The following NXPE2 variants were observed in gnomAD, a reference collection of about 807,000 sequenced individuals.
NXPE2 encodes neurexophilin and PC-esterase domain family member 2, also known as NXPE family member 2.
NXPE2 carries 34 observed loss-of-function variants against 34.4 expected under a neutral mutation model. That is an observed-to-expected ratio of 0.99 (90% CI 0.75 to 1.31). The LOEUF is 1.31. NXPE2 is among the 40% of genes most tolerant of loss of function. NXPE2 has a pLI of 0.00. For synonymous variants in NXPE2, 235 were observed against 231.3 expected, an observed-to-expected ratio of 1.02 and a Z score of -0.15; for missense variants, 649 against 672.5, an observed-to-expected ratio of 0.97 and a Z score of 0.39.
chr11:114,540,837 CT>C, the NXPE2 span, among the ~76,000 whole-genome samples: 2 of 47,472 alleles, frequency 4.2e-5, no homozygotes, highest in Non-Finnish European at 9.3e-5. Context: ...AGAAAGCCAT[CT>C]TTTTTTTTTT....
In NXPE2 at chr11:114,698,829, ACT is replaced by A. The variant is rs1951313439; in HGVS notation, c.866+54_866+55del. 7.7e-6 allele frequency: 11 copies of A among 1,435,432 alleles called. No homozygotes were observed. The East Asian group carries it at 2.7e-4, about 36-fold the overall frequency. The allele number at this position is 1,435,432 out of a possible 1,614,324, so 88.9% of individuals were successfully genotyped here. A position where few individuals can be genotyped will look rare whatever the true frequency, so the allele number is the denominator to read the frequency against. ...CAGATAAAAAGAGGTATCCGACCAA[ACT>A]CTGCCTAGTAGTTTTGCCTAATCAA... On this transcript the variant is annotated intron_variant, in intron 3 of 5. Transcript: ENST00000389586.
At chr11:114,560,397 G>A in the NXPE2 span, among the ~76,000 whole-genome samples, 1 of 151,452 alleles carries the variant, frequency 6.6e-6, no homozygotes, top group Non-Finnish European at 1.5e-5. Context: ...TGGGCCTAGG[G>A]GCTACAGGTG....
the NXPE2 span, among the ~76,000 whole-genome samples, chr11:114,715,169 T>C: frequency 5.9e-5 from 9 of 152,204 alleles, no homozygotes; most frequent in African/African-American, 2.2e-4. Flanking sequence ...ATTTTATTGC[T>C]AGAAGTGAAG....
the NXPE2 span, among the ~76,000 whole-genome samples, chr11:114,516,692 G>A: frequency 6.6e-6 from 1 of 152,060 alleles, no homozygotes; most frequent in Admixed American, 6.5e-5. Flanking sequence ...CTGAAAATAA[G>A]AGCACACGCA....
At chr11:114,642,649 T>C in the NXPE2 span, among the ~76,000 whole-genome samples, 4 of 152,244 alleles carry the variant, frequency 2.6e-5, no homozygotes, top group African/African-American at 9.6e-5. Context: ...ACATCTTCTT[T>C]ATCCAGTCTA....
At chr11:114,669,108 C>A in the NXPE2 span, among the ~76,000 whole-genome samples, 1 of 152,004 alleles carries the variant, frequency 6.6e-6, no homozygotes, top group Non-Finnish European at 1.5e-5. Flanking sequence ...CAATAGAAAT[C>A]AAGAGATGAC....
the NXPE2 span, among the ~76,000 whole-genome samples, chr11:114,752,087 G>A: frequency 6.6e-6 from 1 of 152,198 alleles, no homozygotes; most frequent in African/African-American, 2.4e-5. Context: ...CTACGTTTGT[G>A]TTAATTTGTT....
At chr11:114,473,247 A>AT in the NXPE2 span, among the ~76,000 whole-genome samples, 1 of 152,082 alleles carries the variant, frequency 6.6e-6, no homozygotes, top group Admixed American at 6.6e-5. Context: ...ATTGCTTTTG[A>AT]TTTTCTCAAC....
chr11:114,557,818 C>T, the NXPE2 span, among the ~76,000 whole-genome samples: 6 of 151,644 alleles, frequency 4.0e-5, no homozygotes, highest in Non-Finnish European at 8.8e-5. Flanking sequence ...GTGACAAATT[C>T]TCAAGGTTAC....
intron 3 of NXPE2, among the ~76,000 whole-genome samples, chr11:114,701,676 C>T (rs139700402): frequency 1.5e-4 from 23 of 152,256 alleles, no homozygotes; most frequent in African/African-American, 5.5e-4. Flanking sequence ...TTCCTAGACC[C>T]AAGCCCAATT....
chr11:114,548,626 C>T, the NXPE2 span, among the ~76,000 whole-genome samples: 1 of 151,748 alleles, frequency 6.6e-6, no homozygotes. Context: ...ATAATTAATG[C>T]ATATTATGTT....
chr11:114,530,079 C>A, the NXPE2 span: 9 of 1,270,888 alleles, frequency 7.1e-6, no homozygotes, highest in Non-Finnish European at 9.8e-6. Flanking sequence ...GTACAGGAGG[C>A]CTCTGAGTCA....
the NXPE2 span, among the ~76,000 whole-genome samples, chr11:114,793,156 G>A: frequency 6.6e-6 from 1 of 152,164 alleles, no homozygotes. Context: ...CATCATGCAT[G>A]TTTCTCTTGA....
chr11:114,651,755 TAC>T, the NXPE2 span, among the ~76,000 whole-genome samples: 4 of 152,176 alleles, frequency 2.6e-5, no homozygotes, highest in Admixed American at 1.3e-4. Flanking sequence ...GGTGTGTTTT[TAC>T]AGAGTGCTGA....
At chr11:114,540,837 C>CTTTTTTTTTTTTTTT in the NXPE2 span, among the ~76,000 whole-genome samples, 4 of 47,472 alleles carry the variant, frequency 8.4e-5, 2 homozygotes. Context: ...AGAAAGCCAT[C>CTTTTTTTTTTTTTTT]TTTTTTTTTT....
At chr11:114,787,024 G>A in the NXPE2 span, among the ~76,000 whole-genome samples, 4 of 152,106 alleles carry the variant, frequency 2.6e-5, no homozygotes, top group African/African-American at 9.7e-5. Context: ...ACATCTGCCT[G>A]TCCCCAGGCT....
At chr11:114,657,255 G>A in the NXPE2 span, among the ~76,000 whole-genome samples, 2 of 152,094 alleles carry the variant, frequency 1.3e-5, no homozygotes, top group African/African-American at 4.8e-5. Context: ...ATGGTTCTCT[G>A]TTTTTAGCAC....
the NXPE2 span, among the ~76,000 whole-genome samples, chr11:114,498,877 G>A: frequency 6.6e-6 from 1 of 151,996 alleles, no homozygotes; most frequent in African/African-American, 2.4e-5. Flanking sequence ...GTGGGCTTTG[G>A]TATTAGAGTA....
the NXPE2 span, among the ~76,000 whole-genome samples, chr11:114,720,598 A>G: frequency 6.7e-6 from 1 of 149,626 alleles, no homozygotes. Flanking sequence ...GTGTGCTCTA[A>G]GTGTAAAGTG....
Sources: gnomAD v4.1 joint callset for allele counts (sites outside exome capture counted in the v4.1 genomes callset) on GRCh38, gnomAD v4.1.1 for gene constraint, MANE v1.5 for transcripts, NCBI Gene and HGNC (gene_info 2026-07-23, HGNC 2026-07-21) for gene names.